The following DCC variants were observed in gnomAD, a reference collection of about 807,000 sequenced individuals.
DCC encodes the protein netrin receptor DCC.
Under a neutral mutation model 172.5 loss-of-function variants are expected in DCC, and 58 were observed. The ratio of observed to expected loss-of-function variants is 0.34; its 90% confidence interval spans 0.27 to 0.42. The LOEUF is 0.42. Ranked by LOEUF, DCC falls within the 10% of genes least tolerant of loss-of-function variation. The probability of loss-of-function intolerance (pLI) is 1.00; values close to 1 mark genes in which losing one functional copy is unlikely to be tolerated. For synonymous variants in DCC, 709 were observed against 644.5 expected, an observed-to-expected ratio of 1.10 and a Z score of -1.52; for missense variants, 1,740 against 1,791.0, an observed-to-expected ratio of 0.97 and a Z score of 0.51.
chr18:52,900,106 T>G (rs2039789173), intron 2 of DCC, among the ~76,000 whole-genome samples: 1 of 152,194 alleles, frequency 6.6e-6, no homozygotes, highest in African/African-American at 2.4e-5. Flanking sequence ...ACTGGTTCTA[T>G]CCGGACTTGG....
At chr18:52,461,815 T>C (rs374296738) in intron 1 of DCC, among the ~76,000 whole-genome samples, 9 of 152,308 alleles carry the variant, frequency 5.9e-5, no homozygotes, top group Admixed American at 4.6e-4. Context: ...GATACTCCGA[T>C]TTTTATCTCC....
chr18:52,672,211 A>C (rs1409499457), intron 1 of DCC, among the ~76,000 whole-genome samples: 1 of 152,240 alleles, frequency 6.6e-6, no homozygotes, highest in Non-Finnish European at 1.5e-5. Flanking sequence ...ATTTGTTAGA[A>C]TTGACCTAAG....
intron 9 of DCC, among the ~76,000 whole-genome samples, chr18:53,186,053 G>GT (rs1258668260): frequency 1.3e-5 from 2 of 152,146 alleles, no homozygotes; most frequent in African/African-American, 2.4e-5. Context: ...GTGGTATATC[G>GT]TAAGTGTAAT....
At chr18:53,513,377 A>C (rs1163883016) in intron 27 of DCC, among the ~76,000 whole-genome samples, 3 of 152,240 alleles carry the variant, frequency 2.0e-5, no homozygotes, top group Non-Finnish European at 4.4e-5. Flanking sequence ...TGTAAAGACC[A>C]TCAAAGACTA....
intron 8 of DCC, among the ~76,000 whole-genome samples, chr18:53,163,829 A>T (rs1446071291): frequency 6.6e-6 from 1 of 152,202 alleles, no homozygotes; most frequent in East Asian, 1.9e-4. Context: ...CTACCTAAAC[A>T]TTCAGAGACC....
At chr18:52,884,738 G>A (rs1220119966) in intron 2 of DCC, among the ~76,000 whole-genome samples, 9 of 152,074 alleles carry the variant, frequency 5.9e-5, no homozygotes, top group South Asian at 2.1e-4. Flanking sequence ...TGTTTTCCTC[G>A]ATGGTCCTGA....
chr18:52,454,361 T>C (rs1211838640), intron 1 of DCC, among the ~76,000 whole-genome samples: 1 of 152,098 alleles, frequency 6.6e-6, no homozygotes, highest in Non-Finnish European at 1.5e-5. Flanking sequence ...CAGGATAACT[T>C]TTTTAAGTAG....
intron 1 of DCC, among the ~76,000 whole-genome samples, chr18:52,549,165 C>T (rs1375986526): frequency 6.6e-6 from 1 of 151,808 alleles, no homozygotes; most frequent in Non-Finnish European, 1.5e-5. Context: ...TTTGAAGCTC[C>T]TAATTGGATT....
chr18:53,327,448 T>C (rs567143551), intron 14 of DCC, among the ~76,000 whole-genome samples: 1 of 152,294 alleles, frequency 6.6e-6, no homozygotes, highest in East Asian at 1.9e-4. Flanking sequence ...GAAATCTGTT[T>C]ATGATACTTT....
At chr18:52,900,802 G>T (rs950840392) in intron 2 of DCC, among the ~76,000 whole-genome samples, 1 of 152,176 alleles carries the variant, frequency 6.6e-6, no homozygotes, top group Non-Finnish European at 1.5e-5. Flanking sequence ...AGCATCTTGG[G>T]CCAGTCTAGG....
At chr18:53,360,651 G>A (rs1470424688) in intron 15 of DCC, among the ~76,000 whole-genome samples, 1 of 152,128 alleles carries the variant, frequency 6.6e-6, no homozygotes, top group East Asian at 1.9e-4. Flanking sequence ...AATGAGAAGT[G>A]CAAACAGAAC....
intron 12 of DCC, among the ~76,000 whole-genome samples, chr18:53,281,492 C>T (rs2056871214): frequency 6.6e-6 from 1 of 152,138 alleles, no homozygotes; most frequent in Admixed American, 6.6e-5. Context: ...CAGACGTAGG[C>T]CTTGTCCCCA....
At chr18:53,311,334 G>A (rs1430780270) in intron 13 of DCC, among the ~76,000 whole-genome samples, 3 of 152,098 alleles carry the variant, frequency 2.0e-5, no homozygotes, top group African/African-American at 7.2e-5. Context: ...TTTTGGCCAG[G>A]CTGGTCTCGA....
intron 2 of DCC, among the ~76,000 whole-genome samples, chr18:52,783,615 TAAC>T (rs1472000158): frequency 1.3e-5 from 2 of 151,938 alleles, no homozygotes; most frequent in African/African-American, 4.8e-5. Flanking sequence ...TAGTCTGACT[TAAC>T]AAGAGTCCTC....
intron 7 of DCC, among the ~76,000 whole-genome samples, chr18:53,121,996 T>G (rs1410333707): frequency 6.6e-6 from 1 of 152,000 alleles, no homozygotes; most frequent in African/African-American, 2.4e-5. Context: ...GAACACAATT[T>G]AAAGATTCTC....
chr18:52,357,609 AC>A (rs1361017000), intron 1 of DCC, among the ~76,000 whole-genome samples: 3 of 152,150 alleles, frequency 2.0e-5, no homozygotes, highest in African/African-American at 7.2e-5. Context: ...ATAGAGTACA[AC>A]CCATATCCTT....
At chr18:52,808,143 C>T (rs751697757) in intron 2 of DCC, among the ~76,000 whole-genome samples, 5 of 152,220 alleles carry the variant, frequency 3.3e-5, no homozygotes, top group Middle Eastern at 3.4e-3. Flanking sequence ...CTAATAAGAA[C>T]TAGTAGAATC....
At chr18:52,814,804 T>C (rs1028697611) in intron 2 of DCC, among the ~76,000 whole-genome samples, 1 of 152,148 alleles carries the variant, frequency 6.6e-6, no homozygotes, top group Non-Finnish European at 1.5e-5. Flanking sequence ...AGGATTACAT[T>C]GGAAAGAGCA....
At chr18:52,662,352 A>C (rs373700617) in intron 1 of DCC, among the ~76,000 whole-genome samples, 14 of 152,286 alleles carry the variant, frequency 9.2e-5, no homozygotes, top group African/African-American at 3.4e-4. Context: ...TAATAGAAAC[A>C]ATCCAATAAG....
Sources: allele counts gnomAD v4.1 joint callset (sites outside exome capture counted in the v4.1 genomes callset), GRCh38; gene constraint gnomAD v4.1.1; transcripts MANE v1.5; gene names NCBI Gene and HGNC (gene_info 2026-07-23, HGNC 2026-07-21).